The following COL22A1 variants were observed in gnomAD, a reference collection of about 807,000 sequenced individuals.
COL22A1 encodes the protein collagen type XXII alpha 1 chain.
COL22A1 carries 221 observed loss-of-function variants against 248.9 expected under a neutral mutation model. The observed-to-expected ratio is 0.89, with a 90% CI of 0.80 to 0.99. The LOEUF is 0.99. Among genes scored for constraint, COL22A1 ranks in the 50% least tolerant of loss-of-function variants. The probability of loss-of-function intolerance (pLI) is 0.00; values close to 1 mark genes in which losing one functional copy is unlikely to be tolerated. For missense variants in COL22A1, 2,240 were observed against 2,179.0 expected (o/e 1.03, Z -0.56); for synonymous variants, 891 against 793.4 (o/e 1.12, Z -2.07).
intron 2 of COL22A1, among the ~76,000 whole-genome samples, chr8:138,879,712 A>AAAAAAAAAG: frequency 1.2e-5 from 1 of 83,164 alleles, no homozygotes; most frequent in Non-Finnish European, 2.5e-5. Flanking sequence ...AAAAAAAAAA[A>AAAAAAAAAG]AAGAAGAAGA....
chr8:138,611,232 G>C (rs999379928), intron 56 of COL22A1, among the ~76,000 whole-genome samples: 8 of 152,244 alleles, frequency 5.3e-5, no homozygotes, highest in Admixed American at 2.6e-4. Context: ...CATTCCAAGG[G>C]CTGGGCACTG....
chr8:138,759,097 TAGA>T (rs767662048), intron 18 of COL22A1, among the ~76,000 whole-genome samples: 25 of 152,142 alleles, frequency 1.6e-4, no homozygotes, highest in Non-Finnish European at 3.5e-4. Flanking sequence ...TAAAAATACT[TAGA>T]AGGAGAGAGA....
chr8:138,607,688 G>C (rs1469943141), intron 57 of COL22A1, among the ~76,000 whole-genome samples: 1 of 151,898 alleles, frequency 6.6e-6, no homozygotes, highest in Non-Finnish European at 1.5e-5. Context: ...GTTTGTTTTG[G>C]GTGCCTATGG....
intron 1 of COL22A1, among the ~76,000 whole-genome samples, chr8:138,912,476 C>T (rs1167883801): frequency 6.6e-6 from 1 of 152,238 alleles, no homozygotes; most frequent in Admixed American, 6.5e-5. Flanking sequence ...CGTGGTGGCT[C>T]ATGCCTGTAA....
intron 35 of COL22A1, among the ~76,000 whole-genome samples, chr8:138,692,463 ATG>A (rs145298366): frequency 0.11 from 14,790 of 134,686 alleles, 1,093 homozygotes; most frequent in African/African-American, 0.21. Flanking sequence ...GTGTGAGTGC[ATG>A]TGTGTGTGTG....
chr8:138,805,866 G>C (rs1469855549), intron 10 of COL22A1, among the ~76,000 whole-genome samples: 1 of 148,958 alleles, frequency 6.7e-6, no homozygotes, highest in South Asian at 2.2e-4. Flanking sequence ...GTGTGTGTGA[G>C]ATGGTGTGTT....
intron 45 of COL22A1, among the ~76,000 whole-genome samples, chr8:138,653,393 G>A (rs898843009): frequency 3.9e-5 from 6 of 152,198 alleles, no homozygotes; most frequent in African/African-American, 9.6e-5. Context: ...GAGGCTACGC[G>A]TAAGGCTTCA....
At chr8:138,643,980 C>T (rs1211407021) in intron 47 of COL22A1, among the ~76,000 whole-genome samples, 1 of 152,146 alleles carries the variant, frequency 6.6e-6, no homozygotes, top group East Asian at 1.9e-4. Flanking sequence ...TGGGGTTCCA[C>T]CATGTTGGCC....
intron 41 of COL22A1, among the ~76,000 whole-genome samples, chr8:138,675,065 T>C (rs1825404925): frequency 6.6e-6 from 1 of 152,222 alleles, no homozygotes; most frequent in African/African-American, 2.4e-5. Context: ...ACACGCCTCC[T>C]TCCATGCTTT....
chr8:138,806,013 TAGGTAATG>T (rs1352882254), intron 10 of COL22A1, among the ~76,000 whole-genome samples: 21 of 29,128 alleles, frequency 7.2e-4, no homozygotes, highest in East Asian at 1.6e-3. Flanking sequence ...TGTGACGGTG[TAGGTAATG>T]GTGTGTGGTT....
chr8:138,907,684 A>G (rs909335447), intron 1 of COL22A1, among the ~76,000 whole-genome samples: 4 of 152,204 alleles, frequency 2.6e-5, no homozygotes, highest in African/African-American at 9.7e-5. Flanking sequence ...ATTAAAAGAG[A>G]GATGCATTTG....
Position 138,762,456 on chromosome 8 carries a change from C to T in COL22A1, c.1814G>A (p.Gly605Asp), listed in dbSNP as rs1833565691. Residue 605 changes from glycine to aspartate, a missense_variant, in exon 17 of 65, where the codon GGC (glycine) becomes GAC (aspartate). Coordinates refer to ENST00000303045, the MANE Select transcript of COL22A1 (RefSeq NM_152888.3). ...KGTRGEKGER[G>D]LDGFPGKPGD... ...AGGCTTCCCAGGGAATCCATCCAGG[C>T]CTCGCTCTCCCTGGCAAAAGAAGGC... 1 of 1,614,004 alleles carries T rather than the reference C, an allele frequency of 6.2e-7. No homozygotes were observed. The highest frequency in any genetic ancestry group is 1.7e-5 in the Admixed American group (1 of 60,002).
At position 138,842,978 on chromosome 8, in the gene COL22A1, G is replaced by A. The variant is rs193104502; in HGVS notation, c.733+1106C>T. Among the ~76,000 whole-genome samples, 381 of 152,314 alleles carry A rather than the reference G, an allele frequency of 2.5e-3. 2 individuals carry two copies. Among genetic ancestry groups the A allele is most frequent in the African/African-American group, 8.8e-3 (364 of 41,574 alleles). On this transcript the variant is annotated intron_variant, in intron 4 of 64. Transcript: ENST00000303045. ...GCTGATAGAGTATGGCATGAGGCCA[G>A]TTACCCTGGTGGATGACTGCCCCTA...
chr8:138,887,781 G>A (rs1009703880), intron 1 of COL22A1, among the ~76,000 whole-genome samples: 1 of 152,160 alleles, frequency 6.6e-6, no homozygotes, highest in African/African-American at 2.4e-5. Flanking sequence ...TAAGAGTTTT[G>A]CAAGAATCCT....
intron 49 of COL22A1, among the ~76,000 whole-genome samples, chr8:138,631,526 A>G (rs1820718356): frequency 6.6e-6 from 1 of 152,182 alleles, no homozygotes; most frequent in East Asian, 1.9e-4. Flanking sequence ...GAGATTAGGA[A>G]GGCAATTGCT....
chr8:138,840,267 G>A (rs1274400685), intron 4 of COL22A1, among the ~76,000 whole-genome samples: 2 of 152,056 alleles, frequency 1.3e-5, no homozygotes, highest in African/African-American at 2.4e-5. Flanking sequence ...TAGAGGAGAC[G>A]GTAGATAAAG....
chr8:138,786,602 C>T (rs373680246), intron 12 of COL22A1, among the ~76,000 whole-genome samples: 6 of 152,264 alleles, frequency 3.9e-5, no homozygotes, highest in African/African-American at 1.4e-4. Context: ...CTGCCCATAG[C>T]ATCTTTGAAA....
At chr8:138,824,547 C>A (rs1258951316) in intron 6 of COL22A1, among the ~76,000 whole-genome samples, 4 of 152,200 alleles carry the variant, frequency 2.6e-5, no homozygotes, top group African/African-American at 4.8e-5. Context: ...GACTGGCCTA[C>A]AAGACTTATT....
intron 16 of COL22A1, among the ~76,000 whole-genome samples, chr8:138,767,707 G>A (rs954299733): frequency 6.6e-6 from 1 of 152,142 alleles, no homozygotes; most frequent in Non-Finnish European, 1.5e-5. Flanking sequence ...ACAGTGCACC[G>A]CCCGGTCTCC....
Sources: allele counts gnomAD v4.1 joint callset (sites outside exome capture counted in the v4.1 genomes callset), GRCh38; gene constraint gnomAD v4.1.1; transcripts MANE v1.5; gene names NCBI Gene and HGNC (gene_info 2026-07-23, HGNC 2026-07-21).